Variants in KAZN observed in about 807,000 individuals in gnomAD.
KAZN encodes kazrin, periplakin interacting protein.
Under a neutral mutation model 87.4 loss-of-function variants are expected in KAZN, and 40 were observed. The ratio of observed to expected loss-of-function variants is 0.46; its 90% CI spans 0.36 to 0.60. KAZN has a LOEUF of 0.60. Among genes scored for constraint, KAZN ranks in the 20% least tolerant of loss-of-function variants. The pLI is 0.00. For synonymous variants in KAZN, 466 were observed against 458.3 expected (o/e 1.02, Z -0.22); for missense variants, 898 against 1,073.9 (o/e 0.84, Z 2.29).
chr1:14,556,363 C>T (rs544757920), intron 2 of KAZN, among the ~76,000 whole-genome samples: 1 of 152,166 alleles, frequency 6.6e-6, no homozygotes, highest in Non-Finnish European at 1.5e-5. Context: ...CACGCCTCGG[C>T]CACCCAAAGT....
chr1:14,406,784 T>C (rs1357899534), intron 2 of KAZN, among the ~76,000 whole-genome samples: 1 of 152,216 alleles, frequency 6.6e-6, no homozygotes, highest in Non-Finnish European at 1.5e-5. Context: ...AGCAAATATC[T>C]GGATGCCCTG....
chr1:14,956,606 CA>C (rs35132323), intron 1 of KAZN, among the ~76,000 whole-genome samples: 27,458 of 138,228 alleles, frequency 0.2, 2,622 homozygotes, highest in East Asian at 0.23. Flanking sequence ...AACTCTATCT[CA>C]AAAAAAAAAA....
At chr1:14,187,287 A>G (rs935078664) in intron 2 of KAZN, among the ~76,000 whole-genome samples, 1 of 151,942 alleles carries the variant, frequency 6.6e-6, no homozygotes, top group Non-Finnish European at 1.5e-5. Flanking sequence ...GGCTTCAGAT[A>G]TAGAATACCT....
At chr1:14,255,421 T>C (rs1650430109) in intron 2 of KAZN, among the ~76,000 whole-genome samples, 1 of 152,192 alleles carries the variant, frequency 6.6e-6, no homozygotes, top group East Asian at 1.9e-4. Flanking sequence ...TTTTTAGATA[T>C]ATATTTTTAT....
At chr1:14,149,104 C>CTTTTTTTT (rs57657728) in intron 1 of KAZN, among the ~76,000 whole-genome samples, 5 of 69,588 alleles carry the variant, frequency 7.2e-5, no homozygotes, top group African/African-American at 1.1e-4. Context: ...TCTTTCTTTC[C>CTTTTTTTT]TTTTTTTTTT....
chr1:14,976,277 TCCC>T (rs1665614011), intron 2 of KAZN, among the ~76,000 whole-genome samples: 1 of 152,122 alleles, frequency 6.6e-6, no homozygotes, highest in South Asian at 2.1e-4. Flanking sequence ...CAGATGATTC[TCCC>T]ATCTCAGCCT....
chr1:14,187,157 AAAG>A (rs1462467705), intron 2 of KAZN, among the ~76,000 whole-genome samples: 1 of 152,152 alleles, frequency 6.6e-6, no homozygotes, highest in Admixed American at 6.5e-5. Context: ...AGCCCGTCGC[AAAG>A]AAGGAGTAAT....
intron 2 of KAZN, among the ~76,000 whole-genome samples, chr1:14,201,302 A>G (rs1381789454): frequency 1.3e-5 from 2 of 152,196 alleles, no homozygotes; most frequent in Admixed American, 6.5e-5. Flanking sequence ...TCTCTCACAC[A>G]AGAAAGCACA....
intron 1 of KAZN, among the ~76,000 whole-genome samples, chr1:14,770,861 C>T (rs1482733786): frequency 2.0e-5 from 3 of 152,126 alleles, no homozygotes; most frequent in Admixed American, 2.0e-4. Flanking sequence ...TCTTCCCCTC[C>T]CCCAAACAGA....
intron 1 of KAZN, among the ~76,000 whole-genome samples, chr1:14,089,562 AT>A (rs1258243137): frequency 6.6e-6 from 1 of 152,018 alleles, no homozygotes; most frequent in Non-Finnish European, 1.5e-5. Context: ...CTATACTTTC[AT>A]TTCCTCCCTA....
At chr1:14,860,668 A>G (rs150166536) in intron 1 of KAZN, among the ~76,000 whole-genome samples, 33 of 152,318 alleles carry the variant, frequency 2.2e-4, no homozygotes, top group Admixed American at 3.3e-4. Context: ...CTGCTTGGGT[A>G]CAAGCATTTT....
At chr1:14,781,891 G>C (rs182577835) in intron 1 of KAZN, among the ~76,000 whole-genome samples, 8 of 152,252 alleles carry the variant, frequency 5.3e-5, no homozygotes, top group Non-Finnish European at 1.2e-4. Flanking sequence ...TCAATAATTG[G>C]TGGTTCATAT....
At chr1:14,105,654 G>A (rs1029649031) in intron 1 of KAZN, among the ~76,000 whole-genome samples, 7 of 152,140 alleles carry the variant, frequency 4.6e-5, no homozygotes, top group Non-Finnish European at 1.0e-4. Flanking sequence ...TCCCACTCTG[G>A]TCCATGATCA....
chr1:15,055,369 C>T (rs1055919534), intron 4 of KAZN, among the ~76,000 whole-genome samples: 2 of 152,126 alleles, frequency 1.3e-5, no homozygotes, highest in South Asian at 2.1e-4. Context: ...CCTAGCTACA[C>T]GTGAGGTTGA....
chr1:14,456,149 T>C (rs534796595), intron 2 of KAZN, among the ~76,000 whole-genome samples: 19 of 152,240 alleles, frequency 1.2e-4, no homozygotes, highest in Non-Finnish European at 2.4e-4. Flanking sequence ...TGTGTGTTAG[T>C]TATCCATTAC....
chr1:13,899,110 C>T (rs2100832788), intron 1 of KAZN, among the ~76,000 whole-genome samples: 1 of 152,302 alleles, frequency 6.6e-6, no homozygotes, highest in East Asian at 1.9e-4. Flanking sequence ...TGTTTCTTGC[C>T]TGGCTGTTTC....
At chr1:14,985,295 CAAGGTGGGAG>C (rs1345299133) in intron 2 of KAZN, among the ~76,000 whole-genome samples, 22 of 137,804 alleles carry the variant, frequency 1.6e-4, no homozygotes, top group African/African-American at 6.7e-4. Context: ...GGTGGGAGGC[CAAGGTGGGAG>C]AATCACATGA....
At chr1:13,950,598 A>T (rs1270106752) in intron 1 of KAZN, among the ~76,000 whole-genome samples, 3 of 151,952 alleles carry the variant, frequency 2.0e-5, no homozygotes, top group Non-Finnish European at 4.4e-5. Context: ...TGGGATTTTT[A>T]GTAAAGATAC....
chr1:14,474,246 T>C (rs1279175863), intron 2 of KAZN, among the ~76,000 whole-genome samples: 1 of 152,070 alleles, frequency 6.6e-6, no homozygotes, highest in Non-Finnish European at 1.5e-5. Flanking sequence ...GATAAGAGTT[T>C]AGGGAAAGGA....
Sources: gnomAD v4.1 joint callset for allele counts (sites outside exome capture counted in the v4.1 genomes callset) on GRCh38, gnomAD v4.1.1 for gene constraint, MANE v1.5 for transcripts, NCBI Gene and HGNC (gene_info 2026-07-23, HGNC 2026-07-21) for gene names.